EYS: variants seen among roughly 807,000 people sequenced by gnomAD.
EYS encodes EGF-like photoreceptor maintenance factor.
Under a neutral mutation model 282.1 loss-of-function variants are expected in EYS, and 250 were observed. The ratio of observed to expected loss-of-function variants is 0.89; its 90% CI spans 0.80 to 0.98. The LOEUF (loss-of-function observed/expected upper bound fraction) is 0.98. EYS is among the 50% of genes least tolerant of loss of function. The pLI, the probability that EYS is intolerant of heterozygous loss-of-function variation, is 0.00. For synonymous variants in EYS, 1,355 were observed against 1,282.9 expected (o/e 1.06, Z -1.20); for missense variants, 4,016 against 3,709.0 (o/e 1.08, Z -2.15).
intron 2 of EYS, among the ~76,000 whole-genome samples, chr6:65,500,462 T>A (rs1213062890): frequency 6.6e-6 from 1 of 152,138 alleles, no homozygotes; most frequent in Non-Finnish European, 1.5e-5. Flanking sequence ...ACTCAGTAAC[T>A]GGTCAGTTGA....
intron 22 of EYS, among the ~76,000 whole-genome samples, chr6:64,650,387 C>G (rs933684383): frequency 1.3e-5 from 2 of 151,370 alleles, no homozygotes; most frequent in African/African-American, 4.8e-5. Context: ...TGTATTTATC[C>G]CTTGAACAAT....
At chr6:65,290,020 T>A (rs1374257771) in intron 12 of EYS, among the ~76,000 whole-genome samples, 1 of 151,084 alleles carries the variant, frequency 6.6e-6, no homozygotes, top group Non-Finnish European at 1.5e-5. Context: ...GAAATGAAAA[T>A]CAAGTCTGAA....
intron 35 of EYS, among the ~76,000 whole-genome samples, chr6:63,982,746 T>C (rs1365383915): frequency 6.6e-6 from 1 of 151,710 alleles, no homozygotes; most frequent in African/African-American, 2.4e-5. Flanking sequence ...CAGAAAGGCA[T>C]GAACAATAAC....
At chr6:64,985,629 C>T (rs577707638) in intron 14 of EYS, among the ~76,000 whole-genome samples, 1 of 151,356 alleles carries the variant, frequency 6.6e-6, no homozygotes, top group Non-Finnish European at 1.5e-5. Context: ...AAATAAATTT[C>T]TTTAAAATAA....
intron 30 of EYS, among the ~76,000 whole-genome samples, chr6:64,289,688 A>G (rs1485084741): frequency 6.6e-6 from 1 of 152,030 alleles, no homozygotes. Flanking sequence ...TTTATATCTC[A>G]GTACCTAGAC....
chr6:64,774,292 G>T (rs9452830), intron 22 of EYS, among the ~76,000 whole-genome samples: 1 of 151,528 alleles, frequency 6.6e-6, no homozygotes, highest in African/African-American at 2.4e-5. Context: ...CTTCTTTTAC[G>T]GAATAAGGAA....
At chr6:65,300,982 T>C (rs1183165824) in intron 11 of EYS, 1 of 152,224 alleles carries the variant, frequency 6.6e-6, no homozygotes, top group Non-Finnish European at 1.5e-5. Flanking sequence ...TTTAACTGTG[T>C]GCTCATAAAG....
chr6:64,815,606 G>A (rs181515395), intron 21 of EYS, among the ~76,000 whole-genome samples: 18 of 151,890 alleles, frequency 1.2e-4, no homozygotes, highest in Non-Finnish European at 2.4e-4. Context: ...GATGCCTTTC[G>A]TTTTGTTCAT....
At chr6:64,227,224 AC>A (rs2150336302) in intron 31 of EYS, among the ~76,000 whole-genome samples, 1 of 152,174 alleles carries the variant, frequency 6.6e-6, no homozygotes, top group African/African-American at 2.4e-5. Flanking sequence ...TTTTGGGCTC[AC>A]CCAATGTGTT....
chr6:64,662,731 A>G (rs1415769991), intron 22 of EYS, among the ~76,000 whole-genome samples: 1 of 152,178 alleles, frequency 6.6e-6, no homozygotes, highest in Non-Finnish European at 1.5e-5. Flanking sequence ...AACATTTTAC[A>G]TAATATATTG....
chr6:65,442,963 T>C (rs1179914263), intron 5 of EYS, among the ~76,000 whole-genome samples: 3 of 136,624 alleles, frequency 2.2e-5, no homozygotes, highest in African/African-American at 7.4e-5. Context: ...CATACATATG[T>C]ACATATATGT....
intron 34 of EYS, among the ~76,000 whole-genome samples, chr6:63,996,202 T>C (rs1410711322): frequency 6.6e-6 from 1 of 152,042 alleles, no homozygotes; most frequent in Admixed American, 6.6e-5. Flanking sequence ...GAGGACTTTA[T>C]GATAAATGAA....
At chr6:65,477,899 T>C (rs1765468294) in intron 5 of EYS, among the ~76,000 whole-genome samples, 1 of 152,194 alleles carries the variant, frequency 6.6e-6, no homozygotes, top group Admixed American at 6.5e-5. Context: ...AATATAACTC[T>C]GTGATTTCAG....
At position 64,806,939 on chromosome 6, in the gene EYS, T is replaced by C. The variant is rs540663819; in HGVS notation, c.3443+6439A>G. Among the ~76,000 whole-genome samples the C allele has an allele frequency of 3.9e-5, 6 of 152,288 alleles. No individual in the cohort carries two copies. In the South Asian group the frequency reaches 1.2e-3, roughly 32 times the overall value. On this transcript the variant is annotated intron_variant, in intron 22 of 42. Transcript: ENST00000503581. ...TAATCTACAGATTAAAAAAGTTATG[T>C]ATAATGTCTTTGCTTATTTCTGTAG...
intron 19 of EYS, among the ~76,000 whole-genome samples, chr6:64,835,482 A>T (rs1183468318): frequency 4.7e-5 from 1 of 21,204 alleles, no homozygotes; most frequent in African/African-American, 1.8e-4. Flanking sequence ...CTGAGAATTT[A>T]AAAAAAACTT....
chr6:65,102,443 AT>A (rs1774921025), intron 12 of EYS, among the ~76,000 whole-genome samples: 1 of 151,220 alleles, frequency 6.6e-6, no homozygotes, highest in African/African-American at 2.4e-5. Flanking sequence ...TATTCATTTC[AT>A]TTTTTTAAAG....
intron 5 of EYS, among the ~76,000 whole-genome samples, chr6:65,483,818 A>G (rs1765689862): frequency 1.3e-5 from 2 of 152,246 alleles, no homozygotes; most frequent in African/African-American, 4.8e-5. Context: ...GGTGGAAGGC[A>G]AGGAGGAGCA....
At chr6:64,348,033 T>C (rs1387712608) in intron 29 of EYS, among the ~76,000 whole-genome samples, 1 of 151,492 alleles carries the variant, frequency 6.6e-6, no homozygotes, top group Non-Finnish European at 1.5e-5. Flanking sequence ...TGTGTTTATA[T>C]TTTAATATTT....
At chr6:64,764,825 G>GCCT (rs1320254851) in intron 22 of EYS, among the ~76,000 whole-genome samples, 2 of 152,158 alleles carry the variant, frequency 1.3e-5, no homozygotes, top group East Asian at 3.9e-4. Flanking sequence ...TGCAACCTCG[G>GCCT]CCTCCTGGGT....
Sources: gnomAD v4.1 joint callset for allele counts (sites outside exome capture counted in the v4.1 genomes callset) on GRCh38, gnomAD v4.1.1 for gene constraint, MANE v1.5 for transcripts, NCBI Gene and HGNC (gene_info 2026-07-23, HGNC 2026-07-21) for gene names.